The following ROBO2 variants were observed in gnomAD, a reference collection of about 807,000 sequenced individuals.
ROBO2 encodes the protein roundabout homolog 2.
Under a neutral mutation model 160.8 loss-of-function variants are expected in ROBO2, and 53 were observed. That is an observed-to-expected ratio of 0.33 (90% CI 0.26 to 0.41). The LOEUF is 0.41. Ranked by LOEUF, ROBO2 falls within the 10% of genes least tolerant of loss-of-function variation. The probability of loss-of-function intolerance (pLI) is 1.00; values close to 1 mark genes in which losing one functional copy is unlikely to be tolerated. For synonymous variants in ROBO2, 664 were observed against 611.7 expected (o/e 1.09, Z -1.26); for missense variants, 1,577 against 1,722.4 (o/e 0.92, Z 1.49).
At chr3:76,886,530 C>T (rs1289268339) in intron 2 of ROBO2, among the ~76,000 whole-genome samples, 1 of 152,112 alleles carries the variant, frequency 6.6e-6, no homozygotes, top group Admixed American at 6.5e-5. Flanking sequence ...GTAGGTTTTC[C>T]TTCTTTGCAC....
chr3:77,200,270 TATATATATATATATATA>T (rs1560218314), intron 2 of ROBO2, among the ~76,000 whole-genome samples: 1 of 9,470 alleles, frequency 1.1e-4, no homozygotes, highest in African/African-American at 7.4e-4. Context: ...ACATATTTTA[TATATATATATATATATA>T]TATATATATA....
intron 2 of ROBO2, among the ~76,000 whole-genome samples, chr3:77,016,033 G>A (rs1462048119): frequency 6.6e-6 from 1 of 151,614 alleles, no homozygotes; most frequent in East Asian, 1.9e-4. Context: ...CTGGAGTGCT[G>A]TGGAGCAATC....
At chr3:76,521,160 C>T (rs1577855040) in intron 2 of ROBO2, among the ~76,000 whole-genome samples, 3 of 151,426 alleles carry the variant, frequency 2.0e-5, no homozygotes, top group African/African-American at 7.3e-5. Context: ...GCAATTCTCC[C>T]ACCTCAGCCT....
At chr3:77,091,408 C>T (rs2070233051) in intron 1 of ROBO2, among the ~76,000 whole-genome samples, 3 of 152,078 alleles carry the variant, frequency 2.0e-5, no homozygotes, top group Admixed American at 1.3e-4. Context: ...GCTAATATAC[C>T]ACTCAACGTT....
At chr3:76,808,822 T>C (rs1416566209) in intron 2 of ROBO2, among the ~76,000 whole-genome samples, 1 of 152,096 alleles carries the variant, frequency 6.6e-6, no homozygotes, top group Non-Finnish European at 1.5e-5. Flanking sequence ...ATAGTCATTA[T>C]ATTTTCAGTG....
At chr3:76,099,675 A>C (rs1039759421) in intron 2 of ROBO2, among the ~76,000 whole-genome samples, 7 of 152,204 alleles carry the variant, frequency 4.6e-5, no homozygotes, top group African/African-American at 1.4e-4. Context: ...AGTACATTTT[A>C]ATTGTTAAAA....
intron 2 of ROBO2, among the ~76,000 whole-genome samples, chr3:76,916,731 A>G (rs1231129527): frequency 1.3e-5 from 2 of 152,046 alleles, no homozygotes; most frequent in African/African-American, 4.8e-5. Context: ...ATCATCTAAC[A>G]CCATAACATT....
intron 2 of ROBO2, among the ~76,000 whole-genome samples, chr3:76,984,630 G>C (rs2060275943): frequency 6.6e-6 from 1 of 152,028 alleles, no homozygotes; most frequent in Non-Finnish European, 1.5e-5. Context: ...AAGATACATG[G>C]AAACGTGGTG....
chr3:76,908,742 G>A (rs1430458201), intron 2 of ROBO2, among the ~76,000 whole-genome samples: 2 of 152,168 alleles, frequency 1.3e-5, no homozygotes, highest in Non-Finnish European at 2.9e-5. Context: ...TTACTTAGGA[G>A]AGTTGGTTAT....
intron 5 of ROBO2, among the ~76,000 whole-genome samples, chr3:77,495,558 C>T (rs533789546): frequency 6.6e-6 from 1 of 152,324 alleles, no homozygotes; most frequent in African/African-American, 2.4e-5. Flanking sequence ...CTCCTCCGTC[C>T]TGTTACAGGT....
intron 2 of ROBO2, among the ~76,000 whole-genome samples, chr3:76,893,191 C>T (rs774833536): frequency 1.4e-4 from 22 of 151,984 alleles, no homozygotes; most frequent in Middle Eastern, 3.2e-3. Context: ...ATCTCTTCCC[C>T]TTTGGGCCAG....
chr3:76,490,004 C>T (rs1276880446), intron 2 of ROBO2, among the ~76,000 whole-genome samples: 3 of 152,126 alleles, frequency 2.0e-5, no homozygotes, highest in African/African-American at 4.8e-5. Context: ...CTCTGCTCAT[C>T]TGTGATTATC....
At chr3:76,206,211 G>C (rs1575867153) in intron 2 of ROBO2, among the ~76,000 whole-genome samples, 1 of 152,040 alleles carries the variant, frequency 6.6e-6, no homozygotes, top group African/African-American at 2.4e-5. Context: ...CCTCTCAGGG[G>C]CAGGTTTTAC....
At chr3:77,219,068 A>C (rs2085365898) in intron 2 of ROBO2, among the ~76,000 whole-genome samples, 1 of 151,932 alleles carries the variant, frequency 6.6e-6, no homozygotes, top group South Asian at 2.1e-4. Context: ...TTCTGGGTTC[A>C]AGTGATTCTC....
rs77028239 is a variant in ROBO2 at position 76,709,908 on chromosome 3, C to T, written c.110-388106C>T. ...TCAGCCAATGAGAAGTATAACCAGACCACTTCCTTCTGCCAACAGCTCTTC... is the reference window on the plus strand; with the variant it reads ...TCAGCCAATGAGAAGTATAACCAGATCACTTCCTTCTGCCAACAGCTCTTC... On this transcript the variant is annotated intron_variant, in intron 2 of 26. Coordinates refer to the ROBO2 transcript ENST00000487694. Among the ~76,000 whole-genome samples the T allele has an allele frequency of 3.3e-3, 503 of 152,240 alleles. 3 individuals carry two copies. Among genetic ancestry groups the T allele is most frequent in the African/African-American group, 0.011 (476 of 41,544 alleles).
intron 2 of ROBO2, among the ~76,000 whole-genome samples, chr3:76,790,505 G>T (rs2063290277): frequency 6.6e-6 from 1 of 151,674 alleles, no homozygotes; most frequent in African/African-American, 2.4e-5. Flanking sequence ...AGTTGAAAAT[G>T]TAATAAATCA....
chr3:77,618,418 T>G (rs1277529886), intron 22 of ROBO2, among the ~76,000 whole-genome samples: 1 of 152,190 alleles, frequency 6.6e-6, no homozygotes, highest in Non-Finnish European at 1.5e-5. Flanking sequence ...TACCTAGGTA[T>G]CCTGTGGAAT....
At chr3:76,468,811 C>T (rs2078495991) in intron 2 of ROBO2, among the ~76,000 whole-genome samples, 1 of 152,034 alleles carries the variant, frequency 6.6e-6, no homozygotes, top group East Asian at 1.9e-4. Flanking sequence ...GCAAATAACT[C>T]AAGCTTAAAC....
intron 2 of ROBO2, among the ~76,000 whole-genome samples, chr3:77,252,831 AATAT>A (rs1553872376): frequency 1.6e-3 from 20 of 12,518 alleles, no homozygotes; most frequent in Admixed American, 4.1e-3. Context: ...AAAAAAAAAA[AATAT>A]ATATATATAT....
Sources: allele counts gnomAD v4.1 joint callset (sites outside exome capture counted in the v4.1 genomes callset), GRCh38; gene constraint gnomAD v4.1.1; transcripts MANE v1.5; gene names NCBI Gene and HGNC (gene_info 2026-07-23, HGNC 2026-07-21).